The following FBLN1 variants were observed in gnomAD, a reference collection of about 807,000 sequenced individuals.
The protein encoded by FBLN1 is fibulin 1, also known as fibulin-1.
FBLN1 carries 34 observed loss-of-function variants against 89.7 expected under a neutral mutation model. That is an observed-to-expected ratio of 0.38 (90% CI 0.29 to 0.50). The LOEUF (loss-of-function observed/expected upper bound fraction) is 0.50. Ranked by LOEUF, FBLN1 falls within the 20% of genes least tolerant of loss-of-function variation. FBLN1 has a pLI of 0.92. For missense variants in FBLN1, 777 were observed against 988.1 expected (o/e 0.79, Z 2.86); for synonymous variants, 393 against 391.3 (o/e 1.00, Z -0.05).
At chr22:45,506,751 G>C (rs888763443) in intron 1 of FBLN1, among the ~76,000 whole-genome samples, 5 of 152,158 alleles carry the variant, frequency 3.3e-5, no homozygotes, top group Non-Finnish European at 4.4e-5. Flanking sequence ...CCTCACCACT[G>C]GGGGAGACTG....
Position 45,590,361 on chromosome 22 carries a change from G to A in FBLN1, c.1973-9946G>A, listed in dbSNP as rs1235525556. ...AGTGAAGTTGGCAAGACTTGAACTC[G>A]TCCTGCCCTTCGTGGCCCCCTCACC... On this transcript the variant is annotated intron_variant, in intron 16 of 16. Coordinates refer to ENST00000327858, the MANE Select transcript of FBLN1 (RefSeq NM_006486.3). The surrounding 1 kb of genome is among the most constrained non-coding windows in gnomAD (Gnocchi z 4.1). 6.6e-6 allele frequency among the ~76,000 whole-genome samples: 1 copy of A among 152,236 alleles called. No individual in the cohort carries two copies. The highest frequency in any genetic ancestry group is 2.1e-4 in the South Asian group (1 of 4,834).
At chr22:45,587,195 C>A (rs937223184) in intron 16 of FBLN1, among the ~76,000 whole-genome samples, 1 of 152,168 alleles carries the variant, frequency 6.6e-6, no homozygotes, top group African/African-American at 2.4e-5. Context: ...CTCCCCACAC[C>A]CACAGCCGGC....
At position 45,543,501 on chromosome 22, in the gene FBLN1, C is replaced by G. The variant is rs746921355; in HGVS notation, c.1296C>G (p.Leu432=). ...YLCSCSVGFR[L]SVDGRSCEDI... is the part of the protein sequence containing the mutation. ...GCAGCTGTTCCGTGGGCTTCCGGCT[C>G]TCTGTGGATGGCAGGTCATGTGAAG... Residue 432 remains leucine (L), a synonymous_variant, in exon 11 of 17, where the codon CTC becomes CTG. Transcript: ENST00000327858. 24 of 1,613,690 alleles carry G rather than the reference C, an allele frequency of 1.5e-5. No individual in the cohort carries two copies. Among genetic ancestry groups the G allele is most frequent in the Non-Finnish European group, 1.9e-5 (22 of 1,179,998 alleles).
intron 4 of FBLN1, among the ~76,000 whole-genome samples, chr22:45,528,582 T>C (rs769994839): frequency 5.3e-4 from 81 of 152,120 alleles, no homozygotes; most frequent in Non-Finnish European, 8.1e-4. Context: ...TGACCTCAGG[T>C]AATCCACCTG....
chr22:45,567,337 C>T (rs563261350), intron 14 of FBLN1, among the ~76,000 whole-genome samples: 1 of 152,342 alleles, frequency 6.6e-6, no homozygotes, highest in African/African-American at 2.4e-5. Flanking sequence ...CAAAATGGGC[C>T]AGGTGCGGTG....
Position 45,532,998 on chromosome 22 carries a change from C to G in FBLN1, c.545-65C>G, listed in dbSNP as rs988987619. ...GGCGTTTTCTATGACCCAGCCTGAACGGAGCTAGAAACCAGGCGGTGCCTG... is the reference window on the plus strand; with the variant it reads ...GGCGTTTTCTATGACCCAGCCTGAAGGGAGCTAGAAACCAGGCGGTGCCTG... On this transcript the variant is annotated intron_variant, in intron 5 of 16. Transcript: ENST00000327858. The surrounding 1 kb of genome is among the most constrained non-coding windows in gnomAD (Gnocchi z 4.2). 1 of 1,474,006 alleles carries G rather than the reference C, an allele frequency of 6.8e-7. No homozygotes were observed. The highest frequency in any genetic ancestry group is 1.4e-5 in the African/African-American group (1 of 72,186). The allele number at this position is 1,474,006 out of a possible 1,614,324, so 91.3% of individuals were successfully genotyped here. A position where few individuals can be genotyped will look rare whatever the true frequency, so the allele number is the denominator to read the frequency against.
intron 14 of FBLN1, among the ~76,000 whole-genome samples, chr22:45,551,370 C>G (rs1422349028): frequency 1.3e-5 from 2 of 152,238 alleles, no homozygotes; most frequent in Non-Finnish European, 1.5e-5. Context: ...CCAGCTGTTT[C>G]CGAGGCCTTG....
In FBLN1 at chr22:45,574,518, C is replaced by T. The variant is rs2088976998; in HGVS notation, c.1705C>T (p.Gln569Ter). 2 of 1,614,056 alleles carry T rather than the reference C, an allele frequency of 1.2e-6. No homozygotes were observed. The highest frequency in any genetic ancestry group is 1.7e-6 in the Non-Finnish European group (2 of 1,180,052). The change falls in exon 15 of 17, where the codon CAG becomes TAG. Residue 569 changes from glutamine (Q) to a stop codon, truncating the protein, a stop_gained. Coordinates refer to ENST00000327858, the MANE Select transcript of FBLN1 (RefSeq NM_006486.3). LOFTEE classifies it high-confidence loss of function. This position sits in a 1 kb window ranked among gnomAD's most constrained non-coding sequence, Gnocchi z 4.1. ...NYRRSAATLQ[Q>*]EKTDTVRCIK... ...TGCTGTGGTTCCCCTCAGGCTCCAG[C>T]AGGAGAAGACAGACACGGTCCGCTG...
rs867662804 is a variant in FBLN1 at position 45,580,878 on chromosome 22, G to A, written c.1972+3770G>A. On this transcript the variant is annotated intron_variant, in intron 16 of 16. Coordinates refer to ENST00000327858, the MANE Select transcript of FBLN1 (RefSeq NM_006486.3). The surrounding 1 kb of genome is among the most constrained non-coding windows in gnomAD (Gnocchi z 8.6). The stretch of plus-strand genomic sequence containing the variant: ...TAGCCTTGAAAGACCCGTTCTTAGC[G>A]GGGATCGAGGAGCCCGCAGCAGGGC... 6.6e-6 allele frequency among the ~76,000 whole-genome samples: 1 copy of A among 152,238 alleles called. No homozygotes were observed. The highest frequency in any genetic ancestry group is 1.5e-5 in the Non-Finnish European group (1 of 68,042).
chr22:45,547,059 G>C, intron 11 of FBLN1, 26 bp from the exon 12 acceptor site: 1 of 1,613,930 alleles, frequency 6.2e-7, no homozygotes, highest in Non-Finnish European at 8.5e-7. Context: ...GATGCTCTGA[G>C]CGGTGACCCT....
chr22:45,565,899 C>CA, intron 14 of FBLN1: 1 of 154,042 alleles, frequency 6.5e-6, no homozygotes, highest in African/African-American at 2.4e-5. Context: ...CCGTCTCTAC[C>CA]AAAAATACAA....
chr22:45,533,470 C>T (rs139990184), intron 6 of FBLN1, among the ~76,000 whole-genome samples: 9 of 152,336 alleles, frequency 5.9e-5, no homozygotes, highest in South Asian at 2.1e-4. Context: ...CTGGCCCCCG[C>T]GTCTGTGAGA....
intron 11 of FBLN1, among the ~76,000 whole-genome samples, chr22:45,544,407 A>C (rs62225014): frequency 0.045 from 6,920 of 152,128 alleles, 211 homozygotes; most frequent in Middle Eastern, 0.078. Context: ...TTCGTGTTGG[A>C]GTTAGGCTTT....
chr22:45,507,596 C>T (rs796179749), intron 1 of FBLN1, among the ~76,000 whole-genome samples: 5 of 151,766 alleles, frequency 3.3e-5, no homozygotes, highest in African/African-American at 4.8e-5. Context: ...AGTGTGATCT[C>T]GGCTCACTGT....
At chr22:45,503,647 T>C (rs2087978646) in intron 1 of FBLN1, among the ~76,000 whole-genome samples, 1 of 152,122 alleles carries the variant, frequency 6.6e-6, no homozygotes, top group South Asian at 2.1e-4. Context: ...GGGGCGTAGC[T>C]GGGAGGATGG....
chr22:45,520,311 C>T (rs968632850), intron 2 of FBLN1, among the ~76,000 whole-genome samples: 11 of 152,316 alleles, frequency 7.2e-5, no homozygotes, highest in South Asian at 2.1e-4. Flanking sequence ...CTCATAGTTC[C>T]GGAGGCCAGA....
intron 16 of FBLN1, among the ~76,000 whole-genome samples, chr22:45,591,945 G>T (rs1432022665): frequency 2.1e-5 from 3 of 142,462 alleles, no homozygotes. Context: ...GCGCCATTTT[G>T]CAGACAGGAG....
chr22:45,533,006 G>A, intron 5 of FBLN1, 57 bp from the exon 6 acceptor site: 1 of 1,523,820 alleles, frequency 6.6e-7, no homozygotes, highest in Non-Finnish European at 9.1e-7. Context: ...AACGGAGCTA[G>A]AAACCAGGCG....
chr22:45,524,803 G>T (rs1569239102), intron 2 of FBLN1, among the ~76,000 whole-genome samples: 1 of 152,142 alleles, frequency 6.6e-6, no homozygotes, highest in Non-Finnish European at 1.5e-5. Context: ...TAAAAAAAGA[G>T]GCCAGGCATG....
Sources: gnomAD v4.1 joint callset for allele counts (sites outside exome capture counted in the v4.1 genomes callset) on GRCh38, gnomAD v4.1.1 for gene constraint, Gnocchi (gnomAD v3.1) non-coding constraint, MANE v1.5 for transcripts, NCBI Gene and HGNC (gene_info 2026-07-23, HGNC 2026-07-21) for gene names.